The following ADCY2 variants were observed in gnomAD, a reference collection of about 807,000 sequenced individuals.
The protein encoded by ADCY2 is adenylate cyclase type 2.
A neutral mutation model predicts 125.2 loss-of-function variants in ADCY2; 31 were observed. The ratio of observed to expected loss-of-function variants is 0.25; its 90% CI spans 0.19 to 0.33. The LOEUF is 0.33. Ranked by LOEUF, ADCY2 falls within the 10% of genes least tolerant of loss-of-function variation. The pLI, the probability that ADCY2 is intolerant of heterozygous loss-of-function variation, is 1.00. For synonymous variants in ADCY2, 512 were observed against 548.4 expected (o/e 0.93, Z 0.93); for missense variants, 904 against 1,418.2 (o/e 0.64, Z 5.82).
chr5:7,541,254 T>A (rs1734984411), intron 3 of ADCY2, among the ~76,000 whole-genome samples: 1 of 152,180 alleles, frequency 6.6e-6, no homozygotes, highest in Non-Finnish European at 1.5e-5. Context: ...TGCCCAAAGC[T>A]GGGTCTAAAA....
intron 3 of ADCY2, among the ~76,000 whole-genome samples, chr5:7,527,917 G>C (rs778862932): frequency 1.3e-5 from 2 of 152,160 alleles, no homozygotes; most frequent in Non-Finnish European, 2.9e-5. Context: ...TCTGGCTGTG[G>C]GAGAGACTAA....
chr5:7,783,070 T>C (rs1466764096), intron 18 of ADCY2, among the ~76,000 whole-genome samples: 1 of 152,170 alleles, frequency 6.6e-6, no homozygotes, highest in Non-Finnish European at 1.5e-5. Flanking sequence ...TCTCTGTGGC[T>C]CTAAGCCCAT....
chr5:7,784,250 A>T, intron 18 of ADCY2, 115 bp from the exon 19 acceptor site: 1 of 735,604 alleles, frequency 1.4e-6, no homozygotes, highest in African/African-American at 1.8e-5. Context: ...TTTGGCTGGT[A>T]TATGATGTAG....
chr5:7,784,140 A>G (rs1238776973), intron 18 of ADCY2, among the ~76,000 whole-genome samples: 2 of 152,108 alleles, frequency 1.3e-5, no homozygotes, highest in Non-Finnish European at 2.9e-5. Context: ...ATAGCTTGAT[A>G]TAAAGTAGGA....
At chr5:7,720,463 G>A (rs62342466) in intron 12 of ADCY2, among the ~76,000 whole-genome samples, 19,272 of 148,680 alleles carry the variant, frequency 0.13, 1,353 homozygotes, top group African/African-American at 0.15. Context: ...TTTGTTACAT[G>A]TGTATACATG....
intron 4 of ADCY2, among the ~76,000 whole-genome samples, chr5:7,638,149 G>A (rs948409502): frequency 2.0e-5 from 3 of 152,226 alleles, no homozygotes; most frequent in East Asian, 1.9e-4. Context: ...TTAGCAAATC[G>A]TGTTTGGCCT....
intron 3 of ADCY2, among the ~76,000 whole-genome samples, chr5:7,542,384 G>A (rs774460917): frequency 1.3e-4 from 20 of 151,828 alleles, no homozygotes; most frequent in Non-Finnish European, 2.4e-4. Context: ...GGATCTCTTC[G>A]AGGCCATTGA....
intron 2 of ADCY2, among the ~76,000 whole-genome samples, chr5:7,423,604 A>G (rs111931394): frequency 0.26 from 39,653 of 152,100 alleles, 5,541 homozygotes; most frequent in Non-Finnish European, 0.29. Flanking sequence ...AGGCCTTTCC[A>G]GCCATGTGGA....
chr5:7,503,921 C>G (rs1743697839), intron 2 of ADCY2, among the ~76,000 whole-genome samples: 1 of 152,152 alleles, frequency 6.6e-6, no homozygotes, highest in South Asian at 2.1e-4. Flanking sequence ...AAAGCACAGG[C>G]TTTTTCGAGA....
At chr5:7,816,642 G>A (rs1392677752) in intron 22 of ADCY2, among the ~76,000 whole-genome samples, 1 of 152,228 alleles carries the variant, frequency 6.6e-6, no homozygotes, top group East Asian at 1.9e-4. Flanking sequence ...GCCTGAGGGG[G>A]CCTGAGACAC....
intron 2 of ADCY2, among the ~76,000 whole-genome samples, chr5:7,463,873 A>G (rs565374212): frequency 6.6e-6 from 1 of 152,312 alleles, no homozygotes; most frequent in Non-Finnish European, 1.5e-5. Context: ...TAACAGCAAC[A>G]GCCAAGCTAC....
chr5:7,654,483 G>T (rs1400508853), intron 4 of ADCY2, among the ~76,000 whole-genome samples: 1 of 152,184 alleles, frequency 6.6e-6, no homozygotes, highest in Admixed American at 6.5e-5. Context: ...TAGGAAGGAA[G>T]GGATGGGTTC....
chr5:7,494,488 G>C (rs979564239), intron 2 of ADCY2, among the ~76,000 whole-genome samples: 2 of 152,094 alleles, frequency 1.3e-5, no homozygotes, highest in African/African-American at 4.8e-5. Flanking sequence ...GCTTCTTGTA[G>C]TATTTTCCCT....
At position 7,396,334 on chromosome 5, in the gene ADCY2, G is replaced by A. The variant is rs1296378770; in HGVS notation, c.38G>A (p.Arg13Gln). The stretch of plus-strand genomic sequence containing the variant: ...GCGATGCGGCGCCGCCGCTACCTGC[G>A]GGACCGCTCCGAGGAGGCGGCGGGC... Reference protein sequence around the residue: ...QEAMRRRRYLRDRSEEAAGGG... With the variant: ...QEAMRRRRYLQDRSEEAAGGG... Residue 13 changes from arginine (R) to glutamine (Q), a missense_variant, in exon 1 of 25, where the codon CGG becomes CAG. Transcript: ENST00000338316. The surrounding 1 kb of genome is among the most constrained non-coding windows in gnomAD (Gnocchi z 5.7). 1.3e-6 allele frequency: 2 copies of A among 1,522,524 alleles called. No individual in the cohort carries two copies. The highest frequency in any genetic ancestry group is 2.8e-5 in the East Asian group (1 of 35,728). The allele number at this position is 1,522,524 out of a possible 1,614,324, so 94.3% of individuals were successfully genotyped here. A position where few individuals can be genotyped will look rare whatever the true frequency, so the allele number is the denominator to read the frequency against.
intron 15 of ADCY2, 41 bp downstream of exon 15, chr5:7,743,793 A>T (rs1742517462): frequency 6.3e-7 from 1 of 1,584,236 alleles, no homozygotes; most frequent in Non-Finnish European, 8.7e-7. Context: ...AAGTATGCTC[A>T]TTTCATGAAA....
Position 7,764,506 on chromosome 5 carries a change from C to G in ADCY2, c.2095-2181C>G, listed in dbSNP as rs76493506. Among the ~76,000 whole-genome samples, 840 of 152,262 alleles carry G rather than the reference C, an allele frequency of 5.5e-3. 6 individuals carry two copies. The highest frequency in any genetic ancestry group is 0.019 in the African/African-American group (800 of 41,548). The stretch of plus-strand genomic sequence containing the variant: ...CAAATGACAAACACAATGATGTCAT[C>G]AGGCATAAAACAATACTAAAGCACC... On this transcript the variant is annotated intron_variant, in intron 16 of 24. Coordinates refer to ENST00000338316, the MANE Select transcript of ADCY2 (RefSeq NM_020546.3).
chr5:7,445,601 A>G (rs1741217005), intron 2 of ADCY2, among the ~76,000 whole-genome samples: 2 of 152,258 alleles, frequency 1.3e-5, no homozygotes, highest in South Asian at 4.1e-4. Context: ...GATCTCATCC[A>G]AAAACATTAC....
intron 2 of ADCY2, among the ~76,000 whole-genome samples, chr5:7,499,386 C>G (rs1312615149): frequency 6.6e-6 from 1 of 151,884 alleles, no homozygotes; most frequent in East Asian, 1.9e-4. Flanking sequence ...TATTTTGTTT[C>G]TAGGTCTTGA....
chr5:7,771,165 A>T (rs1641396970), intron 17 of ADCY2, among the ~76,000 whole-genome samples: 1 of 152,196 alleles, frequency 6.6e-6, no homozygotes, highest in African/African-American at 2.4e-5. Flanking sequence ...GAACTCTCAT[A>T]GAAATAAGGT....
Sources: gnomAD v4.1 joint callset for allele counts (sites outside exome capture counted in the v4.1 genomes callset) on GRCh38, gnomAD v4.1.1 for gene constraint, Gnocchi (gnomAD v3.1) non-coding constraint, MANE v1.5 for transcripts, NCBI Gene and HGNC (gene_info 2026-07-23, HGNC 2026-07-21) for gene names.